The following NKAIN3 variants were observed in gnomAD, a reference collection of about 807,000 sequenced individuals.
NKAIN3 encodes sodium/potassium-transporting ATPase subunit beta-1-interacting protein 3.
NKAIN3 carries 25 observed loss-of-function variants against 30.2 expected under a neutral mutation model. That is an observed-to-expected ratio of 0.83 (90% CI 0.60 to 1.16). The LOEUF is 1.16. Among genes scored for constraint, NKAIN3 ranks in the 50% most tolerant of loss-of-function variants. The pLI, the probability that NKAIN3 is intolerant of heterozygous loss-of-function variation, is 0.00. For missense variants in NKAIN3, 225 were observed against 254.1 expected (o/e 0.89, Z 0.78); for synonymous variants, 91 against 89.6 (o/e 1.02, Z -0.09).
At chr8:62,666,927 C>T (rs1813122917) in intron 3 of NKAIN3, among the ~76,000 whole-genome samples, 1 of 152,024 alleles carries the variant, frequency 6.6e-6, no homozygotes, top group African/African-American at 2.4e-5. Context: ...CCAATTACAA[C>T]CTAAATTCCC....
chr8:62,858,368 G>A (rs1361277709), intron 4 of NKAIN3, among the ~76,000 whole-genome samples: 2 of 152,150 alleles, frequency 1.3e-5, no homozygotes, highest in African/African-American at 4.8e-5. Context: ...CAGTCTGGCT[G>A]CTTTTTGATA....
chr8:62,535,688 C>A (rs1264631610), intron 1 of NKAIN3, among the ~76,000 whole-genome samples: 2 of 152,138 alleles, frequency 1.3e-5, no homozygotes, highest in African/African-American at 2.4e-5. Context: ...AGCTTCCATA[C>A]CCTCCCTGGG....
intron 6 of NKAIN3, among the ~76,000 whole-genome samples, chr8:62,959,958 C>T (rs896440596): frequency 1.3e-5 from 2 of 152,160 alleles, no homozygotes; most frequent in African/African-American, 2.4e-5. Context: ...ACTCAGGACT[C>T]GTTGCTTTCT....
intron 3 of NKAIN3, among the ~76,000 whole-genome samples, chr8:62,678,907 G>C (rs1455119669): frequency 2.2e-4 from 33 of 152,016 alleles, no homozygotes; most frequent in Admixed American, 2.2e-3. Flanking sequence ...TAGTGAATAA[G>C]GCTGGAACAC....
chr8:62,946,913 T>C (rs762396072), intron 5 of NKAIN3, among the ~76,000 whole-genome samples: 13 of 152,176 alleles, frequency 8.5e-5, no homozygotes, highest in Admixed American at 2.6e-4. Flanking sequence ...GCAATATAGC[T>C]GGAACAAAAC....
intron 4 of NKAIN3, among the ~76,000 whole-genome samples, chr8:62,886,939 G>A (rs1177592674): frequency 6.6e-6 from 1 of 152,030 alleles, no homozygotes; most frequent in East Asian, 1.9e-4. Flanking sequence ...TTCTGTGTTA[G>A]TTTGCTGAGG....
intron 1 of NKAIN3, among the ~76,000 whole-genome samples, chr8:62,426,002 T>G (rs1804794264): frequency 6.6e-6 from 1 of 151,994 alleles, no homozygotes; most frequent in Non-Finnish European, 1.5e-5. Flanking sequence ...CTGTCTACTT[T>G]AATGGATTTG....
chr8:62,696,086 A>G (rs951750271), intron 3 of NKAIN3, among the ~76,000 whole-genome samples: 12 of 151,888 alleles, frequency 7.9e-5, no homozygotes, highest in Non-Finnish European at 1.3e-4. Context: ...TGGGGAACTG[A>G]GCTTTTGATT....
intron 1 of NKAIN3, among the ~76,000 whole-genome samples, chr8:62,331,515 A>C (rs558786412): frequency 6.6e-6 from 1 of 152,282 alleles, no homozygotes; most frequent in South Asian, 2.1e-4. Flanking sequence ...CAAATGTGAA[A>C]AGCTAGAACT....
intron 3 of NKAIN3, among the ~76,000 whole-genome samples, chr8:62,740,884 G>A (rs938187668): frequency 6.6e-6 from 1 of 151,904 alleles, no homozygotes; most frequent in Non-Finnish European, 1.5e-5. Context: ...AGATACCATG[G>A]AATACATTTC....
intron 1 of NKAIN3, among the ~76,000 whole-genome samples, chr8:62,550,185 G>C (rs762229693): frequency 1.1e-4 from 16 of 151,976 alleles, no homozygotes; most frequent in Non-Finnish European, 2.2e-4. Context: ...TCAAACTATG[G>C]CCTTTAAAAG....
chr8:62,415,749 A>AATT (rs35191559), intron 1 of NKAIN3, among the ~76,000 whole-genome samples: 19,009 of 148,628 alleles, frequency 0.13, 1,431 homozygotes, highest in East Asian at 0.39. Flanking sequence ...TTTTATTAAG[A>AATT]ATTATTATTA....
rs139963916 is a variant in NKAIN3 at position 62,598,776 on chromosome 8, G to A, written c.273+8982G>A. On this transcript the variant is annotated intron_variant, in intron 3 of 6. Transcript: ENST00000623646. Reference sequence around the variant, plus strand: ...AGTAGGAGGCAGGAGGACTGGGTTTGGAACAGCTAGGAGCTTAGGTAGACA... The same window carrying A: ...AGTAGGAGGCAGGAGGACTGGGTTTAGAACAGCTAGGAGCTTAGGTAGACA... Among the ~76,000 whole-genome samples, 3 of 152,152 alleles carry A rather than the reference G, an allele frequency of 2.0e-5. No homozygotes were observed. The East Asian group carries it at 5.8e-4, about 30-fold the overall frequency.
intron 4 of NKAIN3, among the ~76,000 whole-genome samples, chr8:62,831,442 A>C (rs1446580046): frequency 6.6e-6 from 1 of 152,172 alleles, no homozygotes; most frequent in Admixed American, 6.5e-5. Flanking sequence ...AAGGATGCTC[A>C]AATGAGATCC....
rs563265328 is a variant in NKAIN3 at position 62,422,814 on chromosome 8, C to T, written c.55-156725C>T. ...AAAGGAAATATTTGTTGGTTACTTA[C>T]TATGTTTTATATTCTGTGCTAAACA... On this transcript the variant is annotated intron_variant, in intron 1 of 6. Transcript: ENST00000623646. Among the ~76,000 whole-genome samples the T allele has an allele frequency of 2.6e-5, 4 of 152,202 alleles. No individual in the cohort carries two copies. In the East Asian group the frequency reaches 5.8e-4, roughly 22 times the overall value.
At chr8:62,370,872 A>T (rs1234960123) in intron 1 of NKAIN3, among the ~76,000 whole-genome samples, 2 of 151,968 alleles carry the variant, frequency 1.3e-5, no homozygotes. Flanking sequence ...TAGACGTGGA[A>T]TTGCTTCTTT....
intron 3 of NKAIN3, among the ~76,000 whole-genome samples, chr8:62,730,749 T>A (rs1023225029): frequency 6.6e-5 from 10 of 152,206 alleles, no homozygotes; most frequent in African/African-American, 2.2e-4. Flanking sequence ...AACTCAGTTA[T>A]CTTGATATAC....
chr8:62,801,667 GA>G (rs1249288657), intron 4 of NKAIN3, among the ~76,000 whole-genome samples: 1 of 152,118 alleles, frequency 6.6e-6, no homozygotes, highest in African/African-American at 2.4e-5. Flanking sequence ...CAAAGATGGG[GA>G]AAAAACAGAG....
At chr8:62,491,951 G>T (rs191321715) in intron 1 of NKAIN3, among the ~76,000 whole-genome samples, 1 of 152,072 alleles carries the variant, frequency 6.6e-6, no homozygotes, top group African/African-American at 2.4e-5. Flanking sequence ...AATGTCCGTT[G>T]TTCCTGAGAG....
Sources: allele counts gnomAD v4.1 joint callset (sites outside exome capture counted in the v4.1 genomes callset), GRCh38; gene constraint gnomAD v4.1.1; transcripts MANE v1.5; gene names NCBI Gene and HGNC (gene_info 2026-07-23, HGNC 2026-07-21).